The following IRS1 variants were observed in gnomAD, a reference collection of about 807,000 sequenced individuals.
The protein encoded by IRS1 is insulin receptor substrate 1.
IRS1 carries 34 observed loss-of-function variants against 65.6 expected under a neutral mutation model. The observed-to-expected ratio is 0.52, with a 90% CI of 0.39 to 0.69. The LOEUF is 0.69. Ranked by LOEUF, IRS1 falls within the 30% of genes least tolerant of loss-of-function variation. The probability of loss-of-function intolerance (pLI) is 0.00; values close to 1 mark genes in which losing one functional copy is unlikely to be tolerated. For missense variants in IRS1, 1,641 were observed against 1,720.2 expected (o/e 0.95, Z 0.81); for synonymous variants, 699 against 683.5 (o/e 1.02, Z -0.35).
chr2:226,784,446 G>C (rs1309501066), intron 1 of IRS1, among the ~76,000 whole-genome samples: 2 of 151,172 alleles, frequency 1.3e-5, no homozygotes, highest in Non-Finnish European at 2.9e-5. Context: ...TTTTTAGATA[G>C]AGTTTCGCTC....
Position 226,796,555 on chromosome 2 carries a change from G to A in IRS1, c.2184C>T (p.Cys728=). 1 of 1,614,040 alleles carries A rather than the reference G, an allele frequency of 6.2e-7. No individual in the cohort carries two copies. The highest frequency in any genetic ancestry group is 1.1e-5 in the South Asian group (1 of 91,078). ...VESSGGKLLP[C]TGDYMNMSPV... The stretch of plus-strand genomic sequence containing the variant: ...GTGACATGTTCATGTAGTCACCTGT[G>A]CAAGGTAAGAGCTTACCACCGCTGC... Residue 728 remains cysteine (C), a synonymous_variant, in exon 1 of 2, where the codon TGC becomes TGT. Coordinates refer to ENST00000305123, the MANE Select transcript of IRS1 (RefSeq NM_005544.3).
intron 1 of IRS1, among the ~76,000 whole-genome samples, chr2:226,747,254 T>TGTTATATGTTTCA (rs1159989906): frequency 1.3e-5 from 2 of 152,156 alleles, no homozygotes; most frequent in African/African-American, 4.8e-5. Context: ...TTATAGTGAC[T>TGTTATATGTTTCA]GTTATGGACT....
intron 1 of IRS1, among the ~76,000 whole-genome samples, chr2:226,750,186 T>A (rs1574643505): frequency 6.7e-6 from 1 of 149,284 alleles, no homozygotes; most frequent in South Asian, 2.1e-4. Context: ...GAGGCGGAGG[T>A]TGCAGTGAGC....
rs757274201 is a variant in IRS1 at position 226,797,534 on chromosome 2, G to C, written c.1205C>G (p.Ser402Cys). The C allele has an allele frequency of 2.5e-6, 4 of 1,610,228 alleles. No individual in the cohort carries two copies. In the Admixed American group the frequency reaches 5.0e-5, roughly 20 times the overall value. Residue 402 changes from serine (S) to cysteine (C), a missense_variant, in exon 1 of 2, where the codon TCC becomes TGC. Around this residue, in one of 3 missense-constraint regions of IRS1, gnomAD observed 1,324 missense variants for 1,361.0 expected, o/e 0.97. Coordinates refer to ENST00000305123, the MANE Select transcript of IRS1 (RefSeq NM_005544.3). This position sits in a 1 kb window ranked among gnomAD's most constrained non-coding sequence, Gnocchi z 8.1. Reference protein sequence around the residue: ...LSSSSTSGHGSTSDCLFPRRS... With the variant: ...LSSSSTSGHGCTSDCLFPRRS... ...CCGTGGGAAGAGACAATCCGAGGTG[G>C]AGCCATGGCCACTGGTGCTACTGGA...
chr2:226,736,161 A>T lies in IRS1; in HGVS notation c.*111T>A, dbSNP rs1243427509. On this transcript the variant is annotated 3_prime_UTR_variant, in exon 2 of 2. Transcript: ENST00000305123. ...CGTACCATCTACTGATGAGGAAGAT[A>T]TGAGGTCCTAGTTGTGAATCATGAA... 1 of 152,580 alleles carries T rather than the reference A, an allele frequency of 6.6e-6. No homozygotes were observed. Among genetic ancestry groups the T allele is most frequent in the African/African-American group, 2.4e-5 (1 of 41,436 alleles). 9.5% of individuals were successfully genotyped at this position (152,580 alleles called of 1,614,324 possible).
In IRS1 at chr2:226,799,024, T is replaced by C; in HGVS notation, c.-286A>G. On this transcript the variant is annotated 5_prime_UTR_variant, in exon 1 of 2. Transcript: ENST00000305123. The surrounding 1 kb of genome is among the most constrained non-coding windows in gnomAD (Gnocchi z 6.1). ...CAGCCCCGATCCTCCGAGAGCCAAG[T>C]CTCCTCTCAGCCGCCGCCGCCACCA... 5 of 1,390,526 alleles carry C rather than the reference T, an allele frequency of 3.6e-6. No individual in the cohort carries two copies. Among genetic ancestry groups the C allele is most frequent in the Non-Finnish European group, 4.7e-6 (5 of 1,065,724 alleles). The allele number at this position is 1,390,526 out of a possible 1,614,324, so 86.1% of individuals were successfully genotyped here. A position where few individuals can be genotyped will look rare whatever the true frequency, so the allele number is the denominator to read the frequency against.
At chr2:226,741,786 A>AACACACACACACACACACACAC (rs145806509) in intron 1 of IRS1, among the ~76,000 whole-genome samples, 3 of 138,460 alleles carry the variant, frequency 2.2e-5, no homozygotes, top group African/African-American at 5.4e-5. Context: ...GAGCCCAGTA[A>AACACACACACACACACACACAC]ACACACACAC....
intron 1 of IRS1, among the ~76,000 whole-genome samples, chr2:226,751,107 C>T (rs757471292): frequency 1.3e-5 from 2 of 152,064 alleles, no homozygotes; most frequent in Non-Finnish European, 2.9e-5. Flanking sequence ...GGAATTAAAA[C>T]ATGAAGGAAA....
At position 226,797,671 on chromosome 2, in the gene IRS1, G is replaced by A. The variant is rs1391000780; in HGVS notation, c.1068C>T (p.Ala356=). The change falls in exon 1 of 2, where the codon GCC becomes GCT. Residue 356 remains alanine, a synonymous_variant. Transcript: ENST00000305123. The surrounding 1 kb of genome is among the most constrained non-coding windows in gnomAD (Gnocchi z 8.1). The stretch of plus-strand genomic sequence containing the variant: ...GCCGGGCGCTGCCCCGATGCCGGTG[G>A]GCGTGGGTTCTGTTGGTGCTGGGAC... ...PVSPSTNRTH[A]HRHRGSARLH... 2 of 1,596,576 alleles carry A rather than the reference G, an allele frequency of 1.3e-6. No individual in the cohort carries two copies. Among genetic ancestry groups the A allele is most frequent in the Admixed American group, 1.7e-5 (1 of 59,654 alleles).
intron 1 of IRS1, among the ~76,000 whole-genome samples, chr2:226,741,385 T>C (rs1938432771): frequency 6.6e-6 from 1 of 152,222 alleles, no homozygotes; most frequent in African/African-American, 2.4e-5. Context: ...TCTGGCTCCC[T>C]GGCTTTAGTT....
rs377203122 is a variant in IRS1 at position 226,798,435 on chromosome 2, C to T, written c.304G>A (p.Glu102Lys). The T allele has an allele frequency of 6.2e-7, 1 of 1,614,100 alleles. No individual in the cohort carries two copies. The highest frequency in any genetic ancestry group is 8.5e-7 in the Non-Finnish European group (1 of 1,180,010). Reference sequence around the variant, plus strand: ...AGAGCCTGGTACCAGCTGTCTTGCTCGGCCTCGCTGTCCGCCGCGATGGCA... The same window carrying T: ...AGAGCCTGGTACCAGCTGTCTTGCTTGGCCTCGCTGTCCGCCGCGATGGCA... ...HFAIAADSEA[E>K]QDSWYQALLQ... The change falls in exon 1 of 2, where the codon GAG (glutamate) becomes AAG (lysine). Residue 102 changes from glutamate to lysine, a missense_variant. Physicochemically the swap from Glu to Lys is moderately conservative, Grantham distance 56. Around this residue, in one of 3 missense-constraint regions of IRS1, gnomAD observed 240 missense variants for 229.6 expected, o/e 1.05. Transcript: ENST00000305123. This position sits in a 1 kb window ranked among gnomAD's most constrained non-coding sequence, Gnocchi z 9.4.
intron 1 of IRS1, among the ~76,000 whole-genome samples, chr2:226,769,572 C>T (rs189017734): frequency 1.8e-3 from 274 of 152,264 alleles, no homozygotes; most frequent in Non-Finnish European, 1.9e-3. Flanking sequence ...GTTTCCGACG[C>T]GTTTCATGGG....
rs774360966 is a variant in IRS1 at position 226,797,220 on chromosome 2, C to G, written c.1519G>C (p.Ala507Pro). The G allele has an allele frequency of 6.8e-6, 11 of 1,613,634 alleles. No homozygotes were observed. Among genetic ancestry groups the G allele is most frequent in the East Asian group, 2.2e-5 (1 of 44,866 alleles). The change falls in exon 1 of 2, where the codon GCT becomes CCT. Residue 507 changes from alanine (A) to proline (P), a missense_variant. Ala to Pro is a conservative substitution (Grantham distance 27, BLOSUM62 -1). Transcript: ENST00000305123. The surrounding 1 kb of genome is among the most constrained non-coding windows in gnomAD (Gnocchi z 8.1). ...GCAGCACTGGCTGCTTCATCCCCAG[C>G]CAAGGCTGGACTCGTGCCCAAGCCT... Reference protein sequence around the residue: ...GTGLGTSPALAGDEAASAADL... With the variant: ...GTGLGTSPALPGDEAASAADL...
At position 226,773,087 on chromosome 2, in the gene IRS1, G is replaced by A. The variant is rs138088609; in HGVS notation, c.*21+21902C>T. Reference sequence around the variant, plus strand: ...CCACAGAACTTCTAAAGAGAATACCGTAGAGGTCTGTAGCTAATGACCTAT... The same window carrying A: ...CCACAGAACTTCTAAAGAGAATACCATAGAGGTCTGTAGCTAATGACCTAT... On this transcript the variant is annotated intron_variant, in intron 1 of 1. Transcript: ENST00000305123. Among the ~76,000 whole-genome samples, 10 of 152,274 alleles carry A rather than the reference G, an allele frequency of 6.6e-5. No individual in the cohort carries two copies. In the East Asian group the frequency reaches 7.7e-4, roughly 12 times the overall value.
intron 1 of IRS1, among the ~76,000 whole-genome samples, chr2:226,750,410 G>C (rs537455446): frequency 6.6e-6 from 1 of 152,026 alleles, no homozygotes; most frequent in African/African-American, 2.4e-5. Context: ...CCTAACAAAA[G>C]AGAGAAAACA....
chr2:226,797,537 C>A lies in IRS1; in HGVS notation c.1202G>T (p.Gly401Val). The change falls in exon 1 of 2, where the codon GGC becomes GTC. Residue 401 changes from glycine (G) to valine (V), a missense_variant. This residue lies in a region of IRS1 where 1,324 missense variants were observed against 1,361.0 expected (regional missense o/e 0.97). Transcript: ENST00000305123. This position sits in a 1 kb window ranked among gnomAD's most constrained non-coding sequence, Gnocchi z 8.1. ...SLSSSSTSGH[G>V]STSDCLFPRR... Reference sequence around the variant, plus strand: ...TGGGAAGAGACAATCCGAGGTGGAGCCATGGCCACTGGTGCTACTGGACGA... The same window carrying A: ...TGGGAAGAGACAATCCGAGGTGGAGACATGGCCACTGGTGCTACTGGACGA... The A allele has an allele frequency of 6.2e-7, 1 of 1,609,258 alleles. No individual in the cohort carries two copies. Among genetic ancestry groups the A allele is most frequent in the Non-Finnish European group, 8.5e-7 (1 of 1,178,614 alleles).
chr2:226,786,652 C>CA (rs1409536976), intron 1 of IRS1, among the ~76,000 whole-genome samples: 24 of 128,088 alleles, frequency 1.9e-4, no homozygotes, highest in African/African-American at 7.1e-4. Flanking sequence ...AAAAAAAAAA[C>CA]AAAAACAACA....
Position 226,796,656 on chromosome 2 carries a change from AGCTGGTCCCGGAAGGGACGGCGTT to A in IRS1, c.2059_2082del (p.Asn687_Ser694del). ...ACCCCGTTTGTCCACAGCTTTCCAT[AGCTGGTCCCGGAAGGGACGGCGTT>A]GCTGCTGCTGCTGCTGCTGCTGGGG... On this transcript the variant is annotated inframe_deletion, in exon 1 of 2. Transcript: ENST00000305123. 1.2e-6 allele frequency: 2 copies of A among 1,613,718 alleles called. No individual in the cohort carries two copies. The highest frequency in any genetic ancestry group is 1.7e-6 in the Non-Finnish European group (2 of 1,179,834).
chr2:226,782,480 C>T (rs1172020148), intron 1 of IRS1, among the ~76,000 whole-genome samples: 2 of 152,192 alleles, frequency 1.3e-5, no homozygotes, highest in African/African-American at 4.8e-5. Flanking sequence ...CCCTTTCAAA[C>T]CATTTCAAAG....
Sources: gnomAD v4.1 joint callset for allele counts (sites outside exome capture counted in the v4.1 genomes callset) on GRCh38, gnomAD v4.1.1 for gene constraint, gnomAD v4.1.1 regional missense constraint, Gnocchi (gnomAD v3.1) non-coding constraint, MANE v1.5 for transcripts, NCBI Gene and HGNC (gene_info 2026-07-23, HGNC 2026-07-21) for gene names.